KDM4C: variants seen among roughly 807,000 people sequenced by gnomAD.
KDM4C encodes the protein lysine-specific demethylase 4C.
KDM4C carries 81 observed loss-of-function variants against 129.3 expected under a neutral mutation model. The observed-to-expected ratio is 0.63, with a 90% CI of 0.52 to 0.75. KDM4C has a LOEUF of 0.75. Among genes scored for constraint, KDM4C ranks in the 30% least tolerant of loss-of-function variants. KDM4C has a pLI of 0.00. For missense variants in KDM4C, 1,457 were observed against 1,304.0 expected (o/e 1.12, Z -1.81); for synonymous variants, 573 against 456.1 (o/e 1.26, Z -3.26).
chr9:7,016,461 C>T (rs1361128906), intron 15 of KDM4C, among the ~76,000 whole-genome samples: 3 of 140,262 alleles, frequency 2.1e-5, no homozygotes, highest in South Asian at 2.3e-4. Flanking sequence ...GAGTCTCACT[C>T]CATTGCCCAG....
At chr9:6,955,782 G>A (rs906980309) in intron 8 of KDM4C, among the ~76,000 whole-genome samples, 2 of 152,190 alleles carry the variant, frequency 1.3e-5, no homozygotes, top group Admixed American at 6.5e-5. Context: ...GTATCAAAGT[G>A]TCTCAGAATT....
At position 6,943,543 on chromosome 9, in the gene KDM4C, C is replaced by T. The variant is rs143704175; in HGVS notation, c.922-37382C>T. On this transcript the variant is annotated intron_variant, in intron 8 of 21. Transcript: ENST00000381309. ...GGGTAACGTTAGCTGAGCATGGTGG[C>T]GTGTGCCTCTGGTCCTGGCTACTTG... is the stretch of plus-strand genomic sequence containing the variant. Among the ~76,000 whole-genome samples, 447 of 152,014 alleles carry T rather than the reference C, an allele frequency of 2.9e-3. 3 individuals are homozygous for T. The highest frequency in any genetic ancestry group is 9.8e-3 in the African/African-American group (408 of 41,442).
At chr9:6,746,911 C>T (rs1253657208) in intron 1 of KDM4C, among the ~76,000 whole-genome samples, 1 of 138,308 alleles carries the variant, frequency 7.2e-6, no homozygotes, top group Non-Finnish European at 1.5e-5. Flanking sequence ...GAGGCTGAGG[C>T]AGGAGAATGG....
In KDM4C at chr9:6,944,998, T is replaced by G. The variant is rs114862427; in HGVS notation, c.922-35927T>G. 5.9e-3 allele frequency among the ~76,000 whole-genome samples: 899 copies of G among 152,292 alleles called. 9 individuals are homozygous for G. Among genetic ancestry groups the G allele is most frequent in the African/African-American group, 0.021 (853 of 41,548 alleles). ...TTATTTTTGCATGTGTTTCAATGATTATGCAGTGATCTTGTTTTTGTCTTG... is the reference window on the plus strand; with the variant it reads ...TTATTTTTGCATGTGTTTCAATGATGATGCAGTGATCTTGTTTTTGTCTTG... On this transcript the variant is annotated intron_variant, in intron 8 of 21. Transcript: ENST00000381309.
chr9:7,011,049 A>G (rs1364113510), intron 12 of KDM4C, among the ~76,000 whole-genome samples: 1 of 152,200 alleles, frequency 6.6e-6, no homozygotes, highest in African/African-American at 2.4e-5. Context: ...CATCTTAAAA[A>G]AGAAAAAAAG....
intron 17 of KDM4C, among the ~76,000 whole-genome samples, chr9:7,065,047 C>T (rs1179876751): frequency 6.6e-6 from 1 of 152,166 alleles, no homozygotes; most frequent in African/African-American, 2.4e-5. Flanking sequence ...TAAATGTGTC[C>T]TACAGTCAAT....
At chr9:6,979,556 G>A (rs1427384512) in intron 8 of KDM4C, among the ~76,000 whole-genome samples, 1 of 152,168 alleles carries the variant, frequency 6.6e-6, no homozygotes, top group Admixed American at 6.5e-5. Flanking sequence ...CTTAATGCCA[G>A]GCTCATAAAT....
At chr9:6,792,452 G>T (rs1204174573) in intron 1 of KDM4C, among the ~76,000 whole-genome samples, 1 of 151,946 alleles carries the variant, frequency 6.6e-6, no homozygotes, top group South Asian at 2.1e-4. Flanking sequence ...GCAGTGGCGA[G>T]ATCTTGGCTC....
At chr9:6,955,570 C>G (rs567292540) in intron 8 of KDM4C, among the ~76,000 whole-genome samples, 2 of 152,146 alleles carry the variant, frequency 1.3e-5, no homozygotes, top group Non-Finnish European at 2.9e-5. Flanking sequence ...GCAGCTTTAT[C>G]GAAGTATGAC....
intron 21 of KDM4C, chr9:7,170,420 G>C (rs1001160530): frequency 6.7e-5 from 66 of 989,304 alleles, no homozygotes; most frequent in Middle Eastern, 5.2e-4. Context: ...AAGCCTAAAT[G>C]CTAGTTGTGG....
At chr9:7,171,164 C>T (rs937185851) in intron 21 of KDM4C, among the ~76,000 whole-genome samples, 3 of 152,112 alleles carry the variant, frequency 2.0e-5, no homozygotes, top group Admixed American at 1.3e-4. Context: ...AGAGGAAGGT[C>T]CTTCAAAGTG....
intron 18 of KDM4C, among the ~76,000 whole-genome samples, chr9:7,124,705 G>A (rs1297075667): frequency 1.3e-5 from 2 of 152,110 alleles, no homozygotes; most frequent in Non-Finnish European, 2.9e-5. Context: ...GCTTCTTACT[G>A]TTGTGCTTTG....
intron 1 of KDM4C, among the ~76,000 whole-genome samples, chr9:6,773,836 G>A (rs1822423459): frequency 6.6e-6 from 1 of 151,442 alleles, no homozygotes; most frequent in Non-Finnish European, 1.5e-5. Flanking sequence ...GTAAGATTGG[G>A]GGAAGAGACC....
intron 17 of KDM4C, among the ~76,000 whole-genome samples, chr9:7,050,985 G>A (rs1830080345): frequency 6.6e-6 from 1 of 151,978 alleles, no homozygotes; most frequent in African/African-American, 2.4e-5. Context: ...TTAAGCAGTC[G>A]GTACCTTTAA....
chr9:6,960,021 C>T (rs942761771), intron 8 of KDM4C, among the ~76,000 whole-genome samples: 15 of 151,804 alleles, frequency 9.9e-5, no homozygotes, highest in Admixed American at 9.2e-4. Flanking sequence ...GATACAGAAA[C>T]GATTAAAGTA....
intron 1 of KDM4C, among the ~76,000 whole-genome samples, chr9:6,779,385 G>A (rs767228917): frequency 9.2e-5 from 14 of 152,190 alleles, no homozygotes; most frequent in Non-Finnish European, 2.1e-4. Flanking sequence ...GTGGAAACCT[G>A]TAAGGCATTC....
intron 18 of KDM4C, among the ~76,000 whole-genome samples, chr9:7,121,837 T>C (rs1460345349): frequency 1.3e-5 from 2 of 152,132 alleles, no homozygotes; most frequent in Non-Finnish European, 2.9e-5. Flanking sequence ...GTAATTTCTT[T>C]AGGCCACTGC....
intron 12 of KDM4C, among the ~76,000 whole-genome samples, chr9:6,991,193 C>G (rs1818677506): frequency 6.6e-6 from 1 of 152,054 alleles, no homozygotes; most frequent in Non-Finnish European, 1.5e-5. Context: ...ATCCTCCTAC[C>G]TCAGCCTCCC....
chr9:6,960,972 T>A (rs896001861), intron 8 of KDM4C, among the ~76,000 whole-genome samples: 1 of 151,996 alleles, frequency 6.6e-6, no homozygotes, highest in African/African-American at 2.4e-5. Context: ...AACAGTAGAC[T>A]ACTTATGAGC....
Sources: gnomAD v4.1 joint callset for allele counts (sites outside exome capture counted in the v4.1 genomes callset) on GRCh38, gnomAD v4.1.1 for gene constraint, MANE v1.5 for transcripts, NCBI Gene and HGNC (gene_info 2026-07-23, HGNC 2026-07-21) for gene names.